TMEM132D: variants seen among roughly 807,000 people sequenced by gnomAD.
The protein encoded by TMEM132D is mature OL transmembrane protein.
TMEM132D carries 21 observed loss-of-function variants against 62.3 expected under a neutral mutation model. That is an observed-to-expected ratio of 0.34 (90% CI 0.24 to 0.49). TMEM132D has a LOEUF of 0.49. TMEM132D is among the 20% of genes least tolerant of loss of function. TMEM132D has a pLI of 0.99. For missense variants in TMEM132D, 1,346 were observed against 1,402.8 expected, an observed-to-expected ratio of 0.96 and a Z score of 0.65; for synonymous variants, 621 against 575.6, an observed-to-expected ratio of 1.08 and a Z score of -1.13.
In TMEM132D at chr12:129,687,288, C is replaced by T. The variant is rs1377374638; in HGVS notation, c.968+12522G>A. Reference sequence around the variant, plus strand: ...GTCGAATGTATGCAGGTACAAATGTCAAATCTCCTTTTTTGGGGGAACAAA... The same window carrying T: ...GTCGAATGTATGCAGGTACAAATGTTAAATCTCCTTTTTTGGGGGAACAAA... On this transcript the variant is annotated intron_variant, in intron 2 of 8. Coordinates refer to ENST00000422113, the MANE Select transcript of TMEM132D (RefSeq NM_133448.3). Among the ~76,000 whole-genome samples the T allele has an allele frequency of 2.0e-5, 3 of 152,130 alleles. No individual in the cohort carries two copies. The East Asian group carries it at 5.8e-4, about 29-fold the overall frequency.
chr12:129,643,304 T>C (rs1458138853), intron 2 of TMEM132D, among the ~76,000 whole-genome samples: 1 of 152,170 alleles, frequency 6.6e-6, no homozygotes, highest in Non-Finnish European at 1.5e-5. Flanking sequence ...TCTAAAATCA[T>C]GTGACACACC....
chr12:129,745,193 A>G (rs1448258493), intron 1 of TMEM132D, among the ~76,000 whole-genome samples: 1 of 152,184 alleles, frequency 6.6e-6, no homozygotes, highest in Non-Finnish European at 1.5e-5. Flanking sequence ...ATACTTCTTT[A>G]TATCTATTTG....
intron 5 of TMEM132D, among the ~76,000 whole-genome samples, chr12:129,187,882 A>G (rs922259859): frequency 2.0e-5 from 3 of 152,244 alleles, no homozygotes; most frequent in African/African-American, 7.2e-5. Flanking sequence ...TGTAACCCTC[A>G]CTGTCACCCT....
intron 3 of TMEM132D, among the ~76,000 whole-genome samples, chr12:129,413,378 G>C (rs917038298): frequency 6.6e-6 from 1 of 152,152 alleles, no homozygotes. Context: ...CTTCTGCTAT[G>C]ATTGTGAGAC....
chr12:129,165,126 G>A (rs912834084), intron 5 of TMEM132D, among the ~76,000 whole-genome samples: 11 of 152,136 alleles, frequency 7.2e-5, no homozygotes, highest in Non-Finnish European at 1.5e-4. Flanking sequence ...CATATGCACC[G>A]AATGATCTGA....
intron 3 of TMEM132D, among the ~76,000 whole-genome samples, chr12:129,507,162 A>G (rs1237427100): frequency 3.3e-5 from 5 of 152,144 alleles, no homozygotes; most frequent in Non-Finnish European, 5.9e-5. Flanking sequence ...ATGTGATACC[A>G]CCTTACTCCT....
chr12:129,662,106 A>G (rs1049545544), intron 2 of TMEM132D, among the ~76,000 whole-genome samples: 4 of 152,240 alleles, frequency 2.6e-5, no homozygotes, highest in African/African-American at 7.2e-5. Context: ...GTCTTAAATC[A>G]TACATGATCT....
intron 3 of TMEM132D, among the ~76,000 whole-genome samples, chr12:129,498,536 G>A (rs180842746): frequency 2.4e-4 from 36 of 152,330 alleles, no homozygotes; most frequent in Admixed American, 6.5e-4. Context: ...TTAGAGGCAT[G>A]AGCCTGTCCA....
chr12:129,783,753 C>A (rs1468291564), intron 1 of TMEM132D, among the ~76,000 whole-genome samples: 1 of 152,294 alleles, frequency 6.6e-6, no homozygotes, highest in Non-Finnish European at 1.5e-5. Context: ...ACTAGACCAG[C>A]GTGTAAGCAG....
chr12:129,362,877 G>T (rs757361764), intron 3 of TMEM132D, among the ~76,000 whole-genome samples: 3 of 152,054 alleles, frequency 2.0e-5, no homozygotes, highest in Non-Finnish European at 4.4e-5. Context: ...TTAGAAAAGG[G>T]GTCTATCTTT....
intron 3 of TMEM132D, among the ~76,000 whole-genome samples, chr12:129,425,406 C>CTTTT (rs5801854): frequency 0.11 from 15,230 of 138,858 alleles, 1,259 homozygotes; most frequent in East Asian, 0.38. Flanking sequence ...GATGCTTGCA[C>CTTTT]TTTTTTTTTT....
At chr12:129,894,604 A>C (rs1330331759) in intron 1 of TMEM132D, among the ~76,000 whole-genome samples, 1 of 152,248 alleles carries the variant, frequency 6.6e-6, no homozygotes. Flanking sequence ...AGGATAAAGC[A>C]TGAGGATATT....
chr12:129,785,783 C>T (rs1871234227), intron 1 of TMEM132D, among the ~76,000 whole-genome samples: 1 of 152,182 alleles, frequency 6.6e-6, no homozygotes, highest in Non-Finnish European at 1.5e-5. Context: ...CCTGAGCTAT[C>T]TTATACAACA....
At chr12:129,420,499 GA>G (rs1206468519) in intron 3 of TMEM132D, among the ~76,000 whole-genome samples, 4 of 151,974 alleles carry the variant, frequency 2.6e-5, no homozygotes, top group Admixed American at 1.3e-4. Flanking sequence ...AATAAATGAA[GA>G]AAACAGCAGG....
At chr12:129,763,202 C>G (rs1487767097) in intron 1 of TMEM132D, among the ~76,000 whole-genome samples, 1 of 152,110 alleles carries the variant, frequency 6.6e-6, no homozygotes, top group South Asian at 2.1e-4. Flanking sequence ...CTCGGTCTCC[C>G]GAATAGCTGG....
chr12:129,142,060 G>A (rs1433056765), intron 5 of TMEM132D, among the ~76,000 whole-genome samples: 3 of 150,132 alleles, frequency 2.0e-5, no homozygotes, highest in Admixed American at 2.0e-4. Context: ...CTGCATTCTA[G>A]ACTTTCAAAA....
intron 5 of TMEM132D, chr12:129,085,686 G>A (rs115018419): frequency 6.6e-6 from 1 of 152,332 alleles, no homozygotes; most frequent in East Asian, 1.9e-4. Flanking sequence ...CGGCAGGAGT[G>A]GGGGAGCCTG....
intron 1 of TMEM132D, among the ~76,000 whole-genome samples, chr12:129,718,961 G>T (rs971223210): frequency 1.3e-5 from 2 of 151,930 alleles, no homozygotes; most frequent in Non-Finnish European, 2.9e-5. Context: ...CATGGGCGGG[G>T]TATGGTGGCT....
intron 5 of TMEM132D, among the ~76,000 whole-genome samples, chr12:129,188,765 GA>G (rs1593290041): frequency 4.3e-4 from 1 of 2,350 alleles, no homozygotes; most frequent in African/African-American, 5.5e-4. Context: ...GAGAGAGGGA[GA>G]GAGAGAGAGA....
Sources: gnomAD v4.1 joint callset for allele counts (sites outside exome capture counted in the v4.1 genomes callset) on GRCh38, gnomAD v4.1.1 for gene constraint, MANE v1.5 for transcripts, NCBI Gene and HGNC (gene_info 2026-07-23, HGNC 2026-07-21) for gene names.